Variants in HCN1 observed in about 807,000 individuals in gnomAD.
HCN1 encodes the protein potassium/sodium hyperpolarization-activated cyclic nucleotide-gated channel 1.
A neutral mutation model predicts 78.9 loss-of-function variants in HCN1; 13 were observed. That is an observed-to-expected ratio of 0.16 (90% CI 0.11 to 0.26). The LOEUF (loss-of-function observed/expected upper bound fraction) is 0.26, where lower values mean the gene tolerates loss of function less well. HCN1 is among the 10% of genes least tolerant of loss of function. HCN1 has a pLI of 1.00. For missense variants in HCN1, 810 were observed against 1,154.3 expected (o/e 0.70, Z 4.32); for synonymous variants, 552 against 455.5 (o/e 1.21, Z -2.70).
chr5:45,466,265 T>A (rs555121716), intron 2 of HCN1, among the ~76,000 whole-genome samples: 2 of 152,314 alleles, frequency 1.3e-5, no homozygotes, highest in East Asian at 3.9e-4. Context: ...ATAAAACGAA[T>A]GACCTTAATC....
At chr5:45,535,703 C>T (rs911132880) in intron 2 of HCN1, among the ~76,000 whole-genome samples, 5 of 151,992 alleles carry the variant, frequency 3.3e-5, no homozygotes, top group African/African-American at 1.2e-4. Context: ...TGTTCTGCAT[C>T]AAATAAATAT....
chr5:45,632,233 C>T (rs1377674539), intron 2 of HCN1, among the ~76,000 whole-genome samples: 1 of 151,730 alleles, frequency 6.6e-6, no homozygotes, highest in Admixed American at 6.6e-5. Context: ...TTATAGCAGC[C>T]TGAGTCTCTG....
intron 2 of HCN1, among the ~76,000 whole-genome samples, chr5:45,615,181 AC>A (rs1425814429): frequency 6.6e-6 from 1 of 152,022 alleles, no homozygotes; most frequent in Non-Finnish European, 1.5e-5. Context: ...TTCACATAAA[AC>A]AATCACATTT....
chr5:45,285,373 C>T (rs1434403734), intron 6 of HCN1, among the ~76,000 whole-genome samples: 1 of 145,254 alleles, frequency 6.9e-6, no homozygotes, highest in Non-Finnish European at 1.5e-5. Context: ...TTCACATCCT[C>T]TGCGGCCTTT....
intron 2 of HCN1, among the ~76,000 whole-genome samples, chr5:45,529,856 T>C: frequency 6.6e-6 from 1 of 152,136 alleles, no homozygotes. Context: ...TGGGTTTATC[T>C]TTAATATTTT....
At chr5:45,404,461 T>C (rs1221714723) in intron 3 of HCN1, among the ~76,000 whole-genome samples, 1 of 151,564 alleles carries the variant, frequency 6.6e-6, no homozygotes, top group Admixed American at 6.6e-5. Flanking sequence ...AAAGTGTTCA[T>C]TTAGTTAATC....
chr5:45,606,552 A>G (rs1329574052), intron 2 of HCN1, among the ~76,000 whole-genome samples: 1 of 151,900 alleles, frequency 6.6e-6, no homozygotes, highest in Non-Finnish European at 1.5e-5. Flanking sequence ...AAGTTGGATC[A>G]AAGAACCCTC....
At chr5:45,642,166 T>C (rs559183878) in intron 2 of HCN1, 1 of 152,280 alleles carries the variant, frequency 6.6e-6, no homozygotes, top group South Asian at 2.1e-4. Flanking sequence ...GCAATATATA[T>C]AAAGTTTCAG....
intron 5 of HCN1, among the ~76,000 whole-genome samples, chr5:45,315,520 C>T (rs1240533375): frequency 6.6e-6 from 1 of 152,032 alleles, no homozygotes; most frequent in Non-Finnish European, 1.5e-5. Flanking sequence ...AAAGCAAGAG[C>T]AAACACATTC....
intron 5 of HCN1, among the ~76,000 whole-genome samples, chr5:45,317,296 G>T (rs1746014815): frequency 6.6e-6 from 1 of 152,106 alleles, no homozygotes; most frequent in Admixed American, 6.6e-5. Flanking sequence ...TGACAAACTT[G>T]ACAAAAACAA....
At chr5:45,401,195 CT>C (rs1254746044) in intron 3 of HCN1, among the ~76,000 whole-genome samples, 1 of 152,028 alleles carries the variant, frequency 6.6e-6, no homozygotes, top group Non-Finnish European at 1.5e-5. Context: ...AAGGCAGTAC[CT>C]TTTCCAATGT....
chr5:45,348,934 AC>A (rs1159860491), intron 5 of HCN1, among the ~76,000 whole-genome samples: 1 of 152,226 alleles, frequency 6.6e-6, no homozygotes, highest in African/African-American at 2.4e-5. Flanking sequence ...GGAAACTTTA[AC>A]ACCCCACTGT....
chr5:45,665,617 A>T (rs1746027788), intron 1 of HCN1, among the ~76,000 whole-genome samples: 1 of 152,072 alleles, frequency 6.6e-6, no homozygotes, highest in African/African-American at 2.4e-5. Flanking sequence ...TGGAAAAAAA[A>T]GTAAAGACTC....
chr5:45,309,468 C>A (rs1745808139), intron 5 of HCN1, among the ~76,000 whole-genome samples: 1 of 152,058 alleles, frequency 6.6e-6, no homozygotes, highest in South Asian at 2.1e-4. Context: ...AATACTTCAG[C>A]TTTTGCCTAT....
At chr5:45,587,105 C>T (rs13175865) in intron 2 of HCN1, among the ~76,000 whole-genome samples, 4,993 of 152,188 alleles carry the variant, frequency 0.033, 114 homozygotes, top group Non-Finnish European at 0.047. Flanking sequence ...TTGGTGGGAC[C>T]GTAAACTAGT....
At chr5:45,366,619 T>C (rs1353013753) in intron 4 of HCN1, among the ~76,000 whole-genome samples, 2 of 151,766 alleles carry the variant, frequency 1.3e-5, no homozygotes, top group African/African-American at 4.8e-5. Flanking sequence ...TTTCCAAATT[T>C]AAAGCAACTG....
At chr5:45,532,184 A>T (rs531888402) in intron 2 of HCN1, among the ~76,000 whole-genome samples, 1 of 152,320 alleles carries the variant, frequency 6.6e-6, no homozygotes, top group African/African-American at 2.4e-5. Context: ...TGTTAAATAC[A>T]ATTTACTTGA....
intron 1 of HCN1, among the ~76,000 whole-genome samples, chr5:45,682,303 C>A (rs1739720315): frequency 7.3e-6 from 1 of 136,760 alleles, no homozygotes; most frequent in African/African-American, 2.9e-5. Context: ...ATATATATAT[C>A]CCAATTTTAA....
chr5:45,259,383 T>C lies in HCN1; in HGVS notation c.*2538A>G, dbSNP rs1744685310. 6.6e-6 allele frequency: 1 copy of C among 152,416 alleles called. No individual in the cohort carries two copies. Among genetic ancestry groups the C allele is most frequent in the African/African-American group, 2.4e-5 (1 of 41,450 alleles). 9.4% of individuals were successfully genotyped at this position (152,416 alleles called of 1,614,324 possible). A position where few individuals can be genotyped will look rare whatever the true frequency, so the allele number is the denominator to read the frequency against. The stretch of plus-strand genomic sequence containing the variant: ...GTTGTAAGAATCAGCTATTCTATTA[T>C]CTTTCCAGCAGCAGAAAGACCAATG... On this transcript the variant is annotated 3_prime_UTR_variant, in exon 8 of 8. Transcript: ENST00000303230.
Sources: allele counts gnomAD v4.1 joint callset (sites outside exome capture counted in the v4.1 genomes callset), GRCh38; gene constraint gnomAD v4.1.1; transcripts MANE v1.5; gene names NCBI Gene and HGNC (gene_info 2026-07-23, HGNC 2026-07-21).